Variants in SYNE1 observed in about 807,000 individuals in gnomAD.
SYNE1 encodes the protein nesprin-1.
SYNE1 carries 616 observed loss-of-function variants against 1,111.0 expected under a neutral mutation model. That is an observed-to-expected ratio of 0.55 (90% confidence interval 0.52 to 0.59). SYNE1 has a LOEUF of 0.59. Among genes scored for constraint, SYNE1 ranks in the 20% least tolerant of loss-of-function variants. The probability of loss-of-function intolerance (pLI) is 0.00; values close to 1 mark genes in which losing one functional copy is unlikely to be tolerated. For missense variants in SYNE1, 10,006 were observed against 10,417.0 expected (o/e 0.96, Z 1.72); for synonymous variants, 3,855 against 3,825.8 (o/e 1.01, Z -0.28).
chr6:152,387,329 G>C lies in SYNE1; in HGVS notation c.8230C>G (p.Gln2744Glu), dbSNP rs145195048. The C allele has an allele frequency of 6.2e-7, 1 of 1,614,012 alleles. No individual in the cohort carries two copies. The highest frequency in any genetic ancestry group is 8.5e-7 in the Non-Finnish European group (1 of 1,180,002). The change falls in exon 54 of 146, where the codon CAG (glutamine) becomes GAG (glutamate). Residue 2744 changes from glutamine to glutamate, a missense_variant. Coordinates refer to ENST00000367255, the MANE Select transcript of SYNE1 (RefSeq NM_182961.4). ...QWNDYVERKN[Q>E]LEQWMESVDQ... ...ACTGATTCCATCCACTGCTCCAACT[G>C]GTTTTTCCTCTCTACATAGTCATTC... is the stretch of plus-strand genomic sequence containing the variant.
Position 152,219,184 on chromosome 6 carries a change from T to C in SYNE1, c.21863A>G (p.Asp7288Gly), listed in dbSNP as rs748051009. 3 of 1,613,580 alleles carry C rather than the reference T, an allele frequency of 1.9e-6. No individual in the cohort carries two copies. The highest frequency in any genetic ancestry group is 2.5e-6 in the Non-Finnish European group (3 of 1,179,918). Residue 7288 changes from aspartate (D) to glycine (G), a missense_variant and splice_region_variant, in exon 120 of 146, where the codon GAC (aspartate) becomes GGC (glycine). Coordinates refer to ENST00000367255, the MANE Select transcript of SYNE1 (RefSeq NM_182961.4). ...AACTGTGCCCAGTCCTTTGAGGAGG[T>C]CCTAGAAGAGGTGAAAATATGCCCA... The part of the protein sequence containing the change: ...EVATWIQDCN[D>G]LLKGLGTVKD...
At chr6:152,633,909 A>G (rs998002548) in intron 2 of SYNE1, among the ~76,000 whole-genome samples, 4 of 133,820 alleles carry the variant, frequency 3.0e-5, no homozygotes, top group African/African-American at 1.1e-4. Context: ...GGATGCTCCC[A>G]GTTGAAAGGC....
intron 11 of SYNE1, among the ~76,000 whole-genome samples, chr6:152,492,685 A>G (rs1416604937): frequency 6.6e-6 from 1 of 152,218 alleles, no homozygotes; most frequent in African/African-American, 2.4e-5. Flanking sequence ...GCGGCTGAAG[A>G]CTGACACAGC....
intron 3 of SYNE1, chr6:152,546,357 T>C (rs913472945): frequency 5.9e-5 from 9 of 152,188 alleles, no homozygotes; most frequent in Non-Finnish European, 1.0e-4. Context: ...AGCGCATCCT[T>C]TGCAATGTGA....
rs770595241 is a variant in SYNE1, at chr6:152,268,038, A to C, written c.18815+18T>G. 4 of 1,585,352 alleles carry C rather than the reference A, an allele frequency of 2.5e-6. No homozygotes were observed. The Admixed American group carries it at 6.7e-5, about 26-fold the overall frequency. On this transcript the variant is annotated intron_variant, in intron 100 of 145. Transcript: ENST00000367255. ...GGGAAACACAATGAAGAGAAAATGG[A>C]AGCATTTTGAAACATACCCAGCATC...
Position 152,319,022 on chromosome 6 carries a change from A to G in SYNE1, c.16237-7T>C. On this transcript the variant is annotated splice_region_variant and splice_polypyrimidine_tract_variant and intron_variant, in intron 84 of 145. Transcript: ENST00000367255. ...CTTTTATTTTGTCTTGGATCTAAAA[A>G]AATCAGTAAGAACAGCAAAACAAGC... The G allele has an allele frequency of 6.2e-7, 1 of 1,614,078 alleles. No individual in the cohort carries two copies. Among genetic ancestry groups the G allele is most frequent in the Non-Finnish European group, 8.5e-7 (1 of 1,180,000 alleles).
At chr6:152,617,659 T>G (rs1170187536) in intron 3 of SYNE1, among the ~76,000 whole-genome samples, 1 of 152,238 alleles carries the variant, frequency 6.6e-6, no homozygotes, top group Admixed American at 6.5e-5. Flanking sequence ...CTTTCAAGGT[T>G]CTAATACACT....
In SYNE1 at chr6:152,330,636, T is replaced by A; in HGVS notation, c.14049A>T (p.Thr4683=). The change falls in exon 78 of 146, where the codon ACA becomes ACT. Residue 4683 remains threonine, a synonymous_variant. Transcript: ENST00000367255. ...CTTCAAGTTCACTCAGAGACTGGGT[T>A]GTCAACTCAATCAAGGAAGCATATT... ...RKEYASLIEL[T]TQSLSELEAQ... is the part of the protein sequence containing the mutation. 1 of 1,613,714 alleles carries A rather than the reference T, an allele frequency of 6.2e-7. No homozygotes were observed. Among genetic ancestry groups the A allele is most frequent in the Non-Finnish European group, 8.5e-7 (1 of 1,180,024 alleles).
intron 104 of SYNE1, among the ~76,000 whole-genome samples, chr6:152,251,426 A>C (rs961469938): frequency 6.6e-6 from 1 of 152,150 alleles, no homozygotes; most frequent in Admixed American, 6.5e-5. Flanking sequence ...AAACTTTAAG[A>C]GGTGCTAGTA....
intron 55 of SYNE1, among the ~76,000 whole-genome samples, chr6:152,382,771 C>A (rs1189367136): frequency 6.6e-6 from 1 of 152,162 alleles, no homozygotes; most frequent in Non-Finnish European, 1.5e-5. Context: ...AAAATACTCT[C>A]TTATGCTTTA....
At chr6:152,135,865 G>C (rs1350341654) in intron 141 of SYNE1, among the ~76,000 whole-genome samples, 2 of 152,094 alleles carry the variant, frequency 1.3e-5, no homozygotes, top group African/African-American at 4.8e-5. Flanking sequence ...AAGCCATCTG[G>C]TTCCTGACCA....
At position 152,370,973 on chromosome 6, in the gene SYNE1, A is replaced by G. The variant is rs144096384; in HGVS notation, c.9508-1359T>C. Among the ~76,000 whole-genome samples the G allele has an allele frequency of 6.6e-5, 10 of 152,294 alleles. No individual in the cohort carries two copies. The East Asian group carries it at 1.9e-3, about 29-fold the overall frequency. On this transcript the variant is annotated intron_variant, in intron 59 of 145. Coordinates refer to ENST00000367255, the MANE Select transcript of SYNE1 (RefSeq NM_182961.4). ...ATAACTTCTGGAGTATTCTACCAAAATTTAGGTTGCATGAAGGCAGGGACT... is the reference window on the plus strand; with the variant it reads ...ATAACTTCTGGAGTATTCTACCAAAGTTTAGGTTGCATGAAGGCAGGGACT...
At chr6:152,178,161 C>T (rs1242344155) in intron 129 of SYNE1, among the ~76,000 whole-genome samples, 1 of 151,964 alleles carries the variant, frequency 6.6e-6, no homozygotes, top group Middle Eastern at 3.2e-3. Context: ...TGAAATTTTT[C>T]TAAATTTTAA....
intron 75 of SYNE1, among the ~76,000 whole-genome samples, chr6:152,338,874 A>G (rs190591974): frequency 2.6e-5 from 4 of 152,306 alleles, no homozygotes; most frequent in African/African-American, 9.6e-5. Flanking sequence ...AAGGGTCAAG[A>G]GCCCCTTTCA....
intron 98 of SYNE1, among the ~76,000 whole-genome samples, chr6:152,271,740 T>C (rs944195599): frequency 6.6e-6 from 1 of 152,218 alleles, no homozygotes; most frequent in Non-Finnish European, 1.5e-5. Context: ...AAGGAACCCA[T>C]AGAAAATGGC....
intron 3 of SYNE1, among the ~76,000 whole-genome samples, chr6:152,570,126 TTAA>T (rs2099441356): frequency 6.6e-6 from 1 of 152,242 alleles, no homozygotes; most frequent in African/African-American, 2.4e-5. Context: ...TATTTCCATG[TTAA>T]TAATAACTAA....
chr6:152,339,347 A>G lies in SYNE1; in HGVS notation c.12245T>C (p.Leu4082Ser). 6.2e-7 allele frequency: 1 copy of G among 1,613,920 alleles called. No homozygotes were observed. The highest frequency in any genetic ancestry group is 8.5e-7 in the Non-Finnish European group (1 of 1,179,840). Residue 4082 changes from leucine to serine, a missense_variant, in exon 75 of 146, where the codon TTG becomes TCG. Physicochemically the swap from Leu to Ser is moderately radical, Grantham distance 145. Transcript: ENST00000367255. ...AIKQVKHFRA[L>S]QEQARTYLDL... The stretch of plus-strand genomic sequence containing the variant: ...TAGGTAGGTCCTTGCCTGCTCTTGC[A>G]AAGCTCTGAAGTGTTTGACCTGGAA...
At position 152,520,516 on chromosome 6, in the gene SYNE1, C is replaced by T. The variant is rs1423488241; in HGVS notation, c.252G>A (p.Lys84=). ...KLPCEQGRRM[K]RIHAVANIGT... ...CAATGTTAGCCACAGCATGGATTCGCTTCATCCGGCGTCCTTGTTCACAAG... is the reference window on the plus strand; with the variant it reads ...CAATGTTAGCCACAGCATGGATTCGTTTCATCCGGCGTCCTTGTTCACAAG... Residue 84 remains lysine (K), a synonymous_variant, in exon 6 of 146, where the codon AAG becomes AAA. Transcript: ENST00000367255. 1 of 1,613,664 alleles carries T rather than the reference C, an allele frequency of 6.2e-7. No individual in the cohort carries two copies.
chr6:152,548,069 G>C (rs2099323021), intron 3 of SYNE1, among the ~76,000 whole-genome samples: 1 of 152,148 alleles, frequency 6.6e-6, no homozygotes, highest in East Asian at 1.9e-4. Flanking sequence ...TTAAGGTAGT[G>C]CCCAGTTGAC....
Sources: gnomAD v4.1 joint callset for allele counts (sites outside exome capture counted in the v4.1 genomes callset) on GRCh38, gnomAD v4.1.1 for gene constraint, MANE v1.5 for transcripts, NCBI Gene and HGNC (gene_info 2026-07-23, HGNC 2026-07-21) for gene names.